NAALADL2: variants seen among roughly 807,000 people sequenced by gnomAD.
The protein encoded by NAALADL2 is inactive N-acetylated-alpha-linked acidic dipeptidase-like protein 2.
Under a neutral mutation model 87.2 loss-of-function variants are expected in NAALADL2, and 76 were observed. The ratio of observed to expected loss-of-function variants is 0.87; its 90% CI spans 0.72 to 1.05. The LOEUF (loss-of-function observed/expected upper bound fraction) is 1.05, where lower values mean the gene tolerates loss of function less well. Among genes scored for constraint, NAALADL2 ranks in the 50% least tolerant of loss-of-function variants. NAALADL2 has a pLI of 0.00. For synonymous variants in NAALADL2, 354 were observed against 331.0 expected, an observed-to-expected ratio of 1.07 and a Z score of -0.75; for missense variants, 1,089 against 945.8, an observed-to-expected ratio of 1.15 and a Z score of -1.99.
intron 2 of NAALADL2, among the ~76,000 whole-genome samples, chr3:174,695,425 A>G (rs762287933): frequency 2.6e-5 from 4 of 151,968 alleles, no homozygotes; most frequent in Non-Finnish European, 5.9e-5. Flanking sequence ...ATCATTTTTG[A>G]TATAACCAGT....
intron 1 of NAALADL2, among the ~76,000 whole-genome samples, chr3:174,445,726 A>T (rs1369572774): frequency 6.6e-6 from 1 of 152,136 alleles, no homozygotes; most frequent in African/African-American, 2.4e-5. Context: ...GATATTTGGT[A>T]TATAGGAGTA....
At chr3:175,161,571 C>A (rs1299735424) in intron 2 of NAALADL2, among the ~76,000 whole-genome samples, 2 of 152,186 alleles carry the variant, frequency 1.3e-5, no homozygotes, top group Middle Eastern at 3.4e-3. Flanking sequence ...TCTTCAACTT[C>A]AGTAGTAGAT....
chr3:175,435,716 A>C (rs1718522049), intron 5 of NAALADL2, among the ~76,000 whole-genome samples: 1 of 152,064 alleles, frequency 6.6e-6, no homozygotes, highest in South Asian at 2.1e-4. Flanking sequence ...ACATAAAAGA[A>C]AAATATTTTT....
At position 175,588,534 on chromosome 3, in the gene NAALADL2, C is replaced by CTTTTTTTT. The variant is rs1168817019; in HGVS notation, c.1800+12362_1800+12369dup. 4.4e-3 allele frequency among the ~76,000 whole-genome samples: 346 copies of CTTTTTTTT among 78,126 alleles called. 40 individuals are homozygous for CTTTTTTTT. The highest frequency in any genetic ancestry group is 0.015 in the African/African-American group (293 of 19,290). The allele number at this position is 78,126 out of a possible 152,430, so 51.3% of individuals were successfully genotyped here. ...TTAGGAGACTTTCTTTCTTTCTTTT[C>CTTTTTTTT]TTTTTTTTTTTTTTTTTTTTTTGAG... On this transcript the variant is annotated intron_variant, in intron 10 of 13. Coordinates refer to ENST00000454872, the MANE Select transcript of NAALADL2 (RefSeq NM_207015.3).
At chr3:174,719,284 A>G (rs1031713351) in intron 2 of NAALADL2, among the ~76,000 whole-genome samples, 16 of 152,164 alleles carry the variant, frequency 1.1e-4, no homozygotes, top group Admixed American at 7.9e-4. Context: ...AAAATATCCC[A>G]TCTCTTTATA....
chr3:175,520,489 G>A (rs1242128873), intron 9 of NAALADL2, among the ~76,000 whole-genome samples: 1 of 151,382 alleles, frequency 6.6e-6, no homozygotes, highest in Non-Finnish European at 1.5e-5. Context: ...TAGTAGAGAC[G>A]GGGTTTCACC....
chr3:175,279,818 G>A (rs1411195958), intron 4 of NAALADL2, among the ~76,000 whole-genome samples: 2 of 145,716 alleles, frequency 1.4e-5, no homozygotes, highest in African/African-American at 5.4e-5. Flanking sequence ...GTGTGTGTGT[G>A]TGTATTATTA....
intron 5 of NAALADL2, among the ~76,000 whole-genome samples, chr3:175,355,426 C>G (rs111553079): frequency 2.0e-5 from 3 of 152,184 alleles, no homozygotes; most frequent in African/African-American, 7.2e-5. Context: ...AATCAACCAG[C>G]AAGTGCATGA....
At chr3:174,581,041 A>G (rs1417118566) in intron 2 of NAALADL2, among the ~76,000 whole-genome samples, 1 of 152,204 alleles carries the variant, frequency 6.6e-6, no homozygotes, top group Non-Finnish European at 1.5e-5. Context: ...TATAGTAATG[A>G]CAGTGTGCCT....
intron 4 of NAALADL2, among the ~76,000 whole-genome samples, chr3:175,316,984 T>A (rs1759224203): frequency 6.6e-6 from 1 of 152,120 alleles, no homozygotes; most frequent in Non-Finnish European, 1.5e-5. Flanking sequence ...GGTGTTCATC[T>A]CAGGTCAAAC....
intron 1 of NAALADL2, among the ~76,000 whole-genome samples, chr3:174,971,594 C>T (rs907353823): frequency 6.6e-6 from 1 of 151,986 alleles, no homozygotes; most frequent in Non-Finnish European, 1.5e-5. Flanking sequence ...TAAGAAACTG[C>T]ACAAAGAGCA....
At chr3:175,245,542 T>C (rs1351454763) in intron 3 of NAALADL2, among the ~76,000 whole-genome samples, 2 of 152,214 alleles carry the variant, frequency 1.3e-5, no homozygotes, top group East Asian at 1.9e-4. Flanking sequence ...AACTACTGTA[T>C]GCCAAGGCAA....
intron 8 of NAALADL2, among the ~76,000 whole-genome samples, chr3:175,470,080 T>G (rs1305703602): frequency 1.3e-5 from 2 of 152,128 alleles, no homozygotes; most frequent in African/African-American, 4.8e-5. Context: ...GTCCCTGGCT[T>G]CTTTTAGTTA....
intron 4 of NAALADL2, among the ~76,000 whole-genome samples, chr3:175,311,811 C>G (rs984901570): frequency 6.6e-6 from 1 of 152,032 alleles, no homozygotes; most frequent in Admixed American, 6.6e-5. Context: ...CCCTAACTTT[C>G]TAAATAACTT....
At chr3:175,223,168 ATAAT>A (rs2109366549) in intron 2 of NAALADL2, among the ~76,000 whole-genome samples, 1 of 151,686 alleles carries the variant, frequency 6.6e-6, no homozygotes, top group East Asian at 1.9e-4. Flanking sequence ...TTTCAAGTAA[ATAAT>A]AAAATATTAT....
rs150520246 is a variant in NAALADL2 at position 175,638,596 on chromosome 3, A to G, written c.1896+11210A>G. On this transcript the variant is annotated intron_variant, in intron 11 of 13. Transcript: ENST00000454872. Reference sequence around the variant, plus strand: ...GATGACTGTATTCTCTCAATTGGCAACATGGATTGCACAGGTATAGCTTCT... The same window carrying G: ...GATGACTGTATTCTCTCAATTGGCAGCATGGATTGCACAGGTATAGCTTCT... Among the ~76,000 whole-genome samples, 769 of 152,310 alleles carry G rather than the reference A, an allele frequency of 5.0e-3. 5 individuals carry two copies. Among genetic ancestry groups the G allele is most frequent in the Non-Finnish European group, 6.8e-3 (460 of 68,008 alleles).
At chr3:175,684,840 T>C (rs888529762) in intron 11 of NAALADL2, among the ~76,000 whole-genome samples, 1 of 152,176 alleles carries the variant, frequency 6.6e-6, no homozygotes, top group Non-Finnish European at 1.5e-5. Flanking sequence ...ATTAAATTGA[T>C]ATGTACAAAT....
intron 1 of NAALADL2, among the ~76,000 whole-genome samples, chr3:174,970,289 GAAAAT>G (rs577070720): frequency 6.6e-6 from 1 of 152,238 alleles, no homozygotes; most frequent in South Asian, 2.1e-4. Context: ...ACATACATGT[GAAAAT>G]AAAATCTATG....
intron 9 of NAALADL2, among the ~76,000 whole-genome samples, chr3:175,481,742 T>C (rs1310008439): frequency 6.6e-6 from 1 of 151,872 alleles, no homozygotes; most frequent in African/African-American, 2.4e-5. Flanking sequence ...ACTCATATAA[T>C]GAAATACTAC....
Sources: allele counts gnomAD v4.1 joint callset (sites outside exome capture counted in the v4.1 genomes callset), GRCh38; gene constraint gnomAD v4.1.1; transcripts MANE v1.5; gene names NCBI Gene and HGNC (gene_info 2026-07-23, HGNC 2026-07-21).